ABCB9: variants seen among roughly 807,000 people sequenced by gnomAD.
ABCB9 encodes the protein ABC-type oligopeptide transporter ABCB9.
In ABCB9, 36 loss-of-function variants were observed where a neutral mutation model predicts 62.0. That is an observed-to-expected ratio of 0.58 (90% CI 0.45 to 0.77). The LOEUF is 0.77. Among genes scored for constraint, ABCB9 ranks in the 30% least tolerant of loss-of-function variants. The pLI is 0.00. For synonymous variants in ABCB9, 435 were observed against 461.4 expected (o/e 0.94, Z 0.73); for missense variants, 943 against 1,054.7 (o/e 0.89, Z 1.47).
rs2035685164 is a variant in ABCB9, at chr12:122,940,253, A to G, written c.1601T>C (p.Val534Ala). Residue 534 changes from valine to alanine, a missense_variant, in exon 9 of 12, where the codon GTG (valine) becomes GCG (alanine). Physicochemically the swap from Val to Ala is moderately conservative, Grantham distance 64. Transcript: ENST00000280560. The surrounding 1 kb of genome is among the most constrained non-coding windows in gnomAD (Gnocchi z 4.8). ...GCCCGAGGGCCCCACCAGGGCCGTC[A>G]CCTTGCCGGGGGACAGGCTGAAGGA... Reference protein sequence around the residue: ...NVSFSLSPGKVTALVGPSGSG... With the variant: ...NVSFSLSPGKATALVGPSGSG... The G allele has an allele frequency of 6.2e-7, 1 of 1,607,286 alleles. No individual in the cohort carries two copies. Among genetic ancestry groups the G allele is most frequent in the African/African-American group, 1.3e-5 (1 of 74,746 alleles).
In ABCB9 at chr12:122,947,690, C is replaced by T. The variant is rs766503744; in HGVS notation, c.1053+934G>A. ...TCAAACCTGGCTCACGGCCCTAGCT[C>T]GGAAGCAGAAGCAGTGCCGTGGGGT... is the stretch of plus-strand genomic sequence containing the variant. On this transcript the variant is annotated intron_variant, in intron 5 of 11. Transcript: ENST00000280560. The surrounding 1 kb of genome is among the most constrained non-coding windows in gnomAD (Gnocchi z 6.0). 1 of 270,118 alleles carries T rather than the reference C, an allele frequency of 3.7e-6. No individual in the cohort carries two copies. Among genetic ancestry groups the T allele is most frequent in the Non-Finnish European group, 7.8e-6 (1 of 127,464 alleles). The allele number at this position is 270,118 out of a possible 1,614,324, so 16.7% of individuals were successfully genotyped here. A position where few individuals can be genotyped will look rare whatever the true frequency, so the allele number is the denominator to read the frequency against.
At chr12:122,950,868 A>T (rs1316986418) in intron 2 of ABCB9, 1 of 321,172 alleles carries the variant, frequency 3.1e-6, no homozygotes, top group East Asian at 5.7e-5. Context: ...TTTTTGAGAC[A>T]GGGTCTCGCT....
chr12:122,929,264 C>T lies in ABCB9; in HGVS notation c.*647G>A. The T allele has an allele frequency of 1.0e-6, 1 of 986,026 alleles. No individual in the cohort carries two copies. The highest frequency in any genetic ancestry group is 1.2e-6 in the Non-Finnish European group (1 of 830,086). The allele number at this position is 986,026 out of a possible 1,614,324, so 61.1% of individuals were successfully genotyped here. A position where few individuals can be genotyped will look rare whatever the true frequency, so the allele number is the denominator to read the frequency against. On this transcript the variant is annotated 3_prime_UTR_variant, in exon 12 of 12. Coordinates refer to ENST00000280560, the MANE Select transcript of ABCB9 (RefSeq NM_019625.4). This position sits in a 1 kb window ranked among gnomAD's most constrained non-coding sequence, Gnocchi z 6.0. Reference sequence around the variant, plus strand: ...GCCCCTCCAGACCTGGCCAGCCCCTCACTCCCCCAGTTGAGGTTTCGTGTG... The same window carrying T: ...GCCCCTCCAGACCTGGCCAGCCCCTTACTCCCCCAGTTGAGGTTTCGTGTG...
At position 122,949,978 on chromosome 12, in the gene ABCB9, G is replaced by A. The variant is rs2036270592; in HGVS notation, c.717-60C>T. ...CCTTCCAGACCAGTGACCACACCCG[G>A]CTGCCCCCTCCCGCTGCCGGCAGGC... On this transcript the variant is annotated intron_variant, in intron 3 of 11. Coordinates refer to ENST00000280560, the MANE Select transcript of ABCB9 (RefSeq NM_019625.4). 1.4e-5 allele frequency: 23 copies of A among 1,604,576 alleles called. No homozygotes were observed. In the Middle Eastern group the frequency reaches 5.0e-4, roughly 35 times the overall value.
chr12:122,940,669 G>C lies in ABCB9; in HGVS notation c.1569+138C>G. 1 of 1,075,576 alleles carries C rather than the reference G, an allele frequency of 9.3e-7. No homozygotes were observed. The highest frequency in any genetic ancestry group is 2.9e-5 in the Admixed American group (1 of 34,182). The allele number at this position is 1,075,576 out of a possible 1,614,324, so 66.6% of individuals were successfully genotyped here. ...GTTAAGTATCTGTCTTCCCCAACTG[G>C]AGCCCAAAACTCCTGGAGGGCAATG... On this transcript the variant is annotated intron_variant, in intron 8 of 11. Transcript: ENST00000280560. This position sits in a 1 kb window ranked among gnomAD's most constrained non-coding sequence, Gnocchi z 4.8.
upstream of ABCB9, chr12:122,966,613 G>T (rs575256859): frequency 6.6e-6 from 1 of 152,242 alleles, no homozygotes; most frequent in African/African-American, 2.4e-5. Context: ...GGGCCCCCGA[G>T]GAGGGGGCTG....
In ABCB9 at chr12:122,929,695, T is replaced by C; in HGVS notation, c.*216A>G. ...TTGCTTAGGAGGCTAGGGAGGTCCG[T>C]GAAGGCGTTGGCTCAGGGCAGCAGG... On this transcript the variant is annotated 3_prime_UTR_variant, in exon 12 of 12. Coordinates refer to ENST00000280560, the MANE Select transcript of ABCB9 (RefSeq NM_019625.4). This position sits in a 1 kb window ranked among gnomAD's most constrained non-coding sequence, Gnocchi z 6.0. 2 of 1,292,798 alleles carry C rather than the reference T, an allele frequency of 1.5e-6. No homozygotes were observed. The highest frequency in any genetic ancestry group is 5.6e-5 in the East Asian group (2 of 35,522). 80.1% of individuals were successfully genotyped at this position (1,292,798 alleles called of 1,614,324 possible). A position where few individuals can be genotyped will look rare whatever the true frequency, so the allele number is the denominator to read the frequency against.
At chr12:122,958,850 A>G (rs1490847051) in intron 2 of ABCB9, among the ~76,000 whole-genome samples, 1 of 151,942 alleles carries the variant, frequency 6.6e-6, no homozygotes, top group Admixed American at 6.5e-5. Context: ...TAAAAAAAGA[A>G]AAAAACAGGA....
In ABCB9 at chr12:122,944,515, G is replaced by A. The variant is rs747091724; in HGVS notation, c.1256C>T (p.Thr419Ile). Reference sequence around the variant, plus strand: ...GATGCTGACCTGGACCACCAGCAGTGTGAGCTGGGGCAGAGGGAGAGGGGA... The same window carrying A: ...GATGCTGACCTGGACCACCAGCAGTATGAGCTGGGGCAGAGGGAGAGGGGA... ...YMYYVWGSGL[T>I]LLVVQVSILY... Residue 419 changes from threonine to isoleucine, a missense_variant, in exon 7 of 12, where the codon ACA becomes ATA. By Grantham distance (89) the Thr-to-Ile change is moderately conservative (BLOSUM62 -1). Coordinates refer to ENST00000280560, the MANE Select transcript of ABCB9 (RefSeq NM_019625.4). The surrounding 1 kb of genome is among the most constrained non-coding windows in gnomAD (Gnocchi z 4.9). 1.9e-6 allele frequency: 3 copies of A among 1,613,754 alleles called. No individual in the cohort carries two copies. In the South Asian group the frequency reaches 3.3e-5, roughly 18 times the overall value.
downstream of ABCB9, among the ~76,000 whole-genome samples, chr12:122,927,649 A>G (rs571170915): frequency 1.3e-5 from 2 of 152,312 alleles, no homozygotes; most frequent in African/African-American, 4.8e-5. Context: ...AAGTGCAGGG[A>G]TGAGAAGAGA....
At chr12:122,942,618 C>CA (rs549481027) in intron 7 of ABCB9, among the ~76,000 whole-genome samples, 3,895 of 50,136 alleles carry the variant, frequency 0.078, 112 homozygotes, top group Middle Eastern at 0.14. Context: ...GACTCCATCT[C>CA]AAAAAAAAAA....
chr12:122,971,517 TGAC>T (rs2037270874), intron 1 of ABCB9, among the ~76,000 whole-genome samples: 1 of 152,128 alleles, frequency 6.6e-6, no homozygotes, highest in South Asian at 2.1e-4. Flanking sequence ...TTCAGCAGCA[TGAC>T]CTCTGCCCAT....
At chr12:122,950,669 AC>A in intron 2 of ABCB9, 104 bp from the exon 3 acceptor site, 2 of 914,534 alleles carry the variant, frequency 2.2e-6, no homozygotes, top group South Asian at 3.2e-5. Context: ...TGCCCACTCC[AC>A]CGGTGGGCTT....
chr12:122,956,266 T>C (rs774085099), intron 2 of ABCB9, among the ~76,000 whole-genome samples: 4 of 152,118 alleles, frequency 2.6e-5, no homozygotes, highest in Non-Finnish European at 5.9e-5. Flanking sequence ...TCCAACCCCA[T>C]TGGAGGGGTA....
At position 122,950,560 on chromosome 12, in the gene ABCB9, T is replaced by C. The variant is rs774959091; in HGVS notation, c.607A>G (p.Thr203Ala). 1.6e-5 allele frequency: 25 copies of C among 1,611,384 alleles called. No homozygotes were observed. The East Asian group carries it at 4.5e-4, about 29-fold the overall frequency. ...FFLIVAALGE[T>A]FLPYYTGRAI... ...CGGCCCGTGTAGTAGGGCAGGAAGG[T>C]CTCTCCTGGGGGAGGCAGGGCAGCC... The change falls in exon 3 of 12, where the codon ACC (threonine) becomes GCC (alanine). Residue 203 changes from threonine (T) to alanine (A), a missense_variant. Physicochemically the swap from Thr to Ala is moderately conservative, Grantham distance 58. Coordinates refer to ENST00000280560, the MANE Select transcript of ABCB9 (RefSeq NM_019625.4).
downstream of ABCB9, among the ~76,000 whole-genome samples, chr12:122,927,564 G>T (rs2034941869): frequency 6.6e-6 from 1 of 152,192 alleles, no homozygotes; most frequent in Non-Finnish European, 1.5e-5. Context: ...CGCACTTTTG[G>T]GTGTGGGTTT....
chr12:122,961,703 G>T (rs370866362), intron 1 of ABCB9, among the ~76,000 whole-genome samples: 34 of 152,156 alleles, frequency 2.2e-4, no homozygotes, highest in African/African-American at 7.7e-4. Flanking sequence ...GTATCTGGAG[G>T]ATTTTGCATC....
In ABCB9 at chr12:122,929,021, A is replaced by G. The variant is rs2034993999; in HGVS notation, c.*890T>C. 1.0e-6 allele frequency: 1 copy of G among 985,756 alleles called. No individual in the cohort carries two copies. The highest frequency in any genetic ancestry group is 1.2e-6 in the Non-Finnish European group (1 of 829,974). The allele number at this position is 985,756 out of a possible 1,614,324, so 61.1% of individuals were successfully genotyped here. A position where few individuals can be genotyped will look rare whatever the true frequency, so the allele number is the denominator to read the frequency against. On this transcript the variant is annotated 3_prime_UTR_variant, in exon 12 of 12. Transcript: ENST00000280560. This position sits in a 1 kb window ranked among gnomAD's most constrained non-coding sequence, Gnocchi z 6.0. The stretch of plus-strand genomic sequence containing the variant: ...GGGTAAGAGGTAGTACACTTTATTG[A>G]CCGGGTTCTCTCAACATGTTGCAAC...
At chr12:122,956,772 G>A (rs1433887998) in intron 2 of ABCB9, among the ~76,000 whole-genome samples, 2 of 152,056 alleles carry the variant, frequency 1.3e-5, no homozygotes, top group East Asian at 1.9e-4. Context: ...CACTTGCCTC[G>A]GCCTCCCAAA....
Sources: allele counts gnomAD v4.1 joint callset (sites outside exome capture counted in the v4.1 genomes callset), GRCh38; gene constraint gnomAD v4.1.1; non-coding constraint Gnocchi (gnomAD v3.1); transcripts MANE v1.5; gene names NCBI Gene and HGNC (gene_info 2026-07-23, HGNC 2026-07-21).